CMIP: variants seen among roughly 807,000 people sequenced by gnomAD.
CMIP encodes c-Maf inducing protein, also known as C-Maf-inducing protein.
CMIP carries 13 observed loss-of-function variants against 97.3 expected under a neutral mutation model. The ratio of observed to expected loss-of-function variants is 0.13; its 90% CI spans 0.09 to 0.21. The LOEUF is 0.21. CMIP is among the 10% of genes least tolerant of loss of function. The probability of loss-of-function intolerance (pLI) is 1.00; values close to 1 mark genes in which losing one functional copy is unlikely to be tolerated. For missense variants in CMIP, 847 were observed against 1,024.9 expected (o/e 0.83, Z 2.37); for synonymous variants, 538 against 436.3 (o/e 1.23, Z -2.91).
At chr16:81,708,898 G>A (rs562152725) in intron 20 of CMIP, among the ~76,000 whole-genome samples, 1 of 152,350 alleles carries the variant, frequency 6.6e-6, no homozygotes, top group Admixed American at 6.5e-5. Flanking sequence ...GTGTGTATGT[G>A]TGTGTGTTCA....
intron 1 of CMIP, among the ~76,000 whole-genome samples, chr16:81,490,670 A>G (rs2089391178): frequency 6.6e-6 from 1 of 152,202 alleles, no homozygotes; most frequent in Non-Finnish European, 1.5e-5. Context: ...GCCCTGAAGA[A>G]GACAAGACCC....
intron 15 of CMIP, among the ~76,000 whole-genome samples, chr16:81,701,164 G>A (rs988744629): frequency 1.3e-5 from 2 of 152,086 alleles, no homozygotes; most frequent in Non-Finnish European, 2.9e-5. Context: ...CAGAGGCAGG[G>A]CTGTCAGGCG....
At chr16:81,598,062 TTCCTC>T (rs1329669910) in intron 1 of CMIP, among the ~76,000 whole-genome samples, 1 of 152,084 alleles carries the variant, frequency 6.6e-6, no homozygotes, top group South Asian at 2.1e-4. Flanking sequence ...GAGTCTCGGT[TTCCTC>T]ATCTGTGTGG....
intron 3 of CMIP, among the ~76,000 whole-genome samples, chr16:81,641,355 A>G (rs545598226): frequency 2.0e-5 from 3 of 152,222 alleles, no homozygotes; most frequent in African/African-American, 7.2e-5. Context: ...TCGGAGGAAC[A>G]GATGAGATGT....
At chr16:81,597,822 C>G (rs549218877) in intron 1 of CMIP, among the ~76,000 whole-genome samples, 38 of 152,226 alleles carry the variant, frequency 2.5e-4, no homozygotes, top group African/African-American at 8.7e-4. Context: ...GATTTCTGTT[C>G]CTCTCACCAG....
At chr16:81,626,850 G>T (rs1427147079) in intron 3 of CMIP, among the ~76,000 whole-genome samples, 1 of 147,518 alleles carries the variant, frequency 6.8e-6, no homozygotes, top group African/African-American at 2.5e-5. Context: ...TTATGAGTGT[G>T]TGTGTGTGTC....
intron 2 of CMIP, among the ~76,000 whole-genome samples, chr16:81,615,205 G>A (rs899218101): frequency 7.3e-5 from 9 of 123,662 alleles, no homozygotes; most frequent in Non-Finnish European, 1.6e-4. Flanking sequence ...GTGTGCATGT[G>A]TAACTATGGT....
At chr16:81,644,911 T>G (rs2150994512) in intron 3 of CMIP, among the ~76,000 whole-genome samples, 1 of 152,230 alleles carries the variant, frequency 6.6e-6, no homozygotes, top group Non-Finnish European at 1.5e-5. Context: ...ACACACATAC[T>G]AGACCTCAGC....
intron 3 of CMIP, among the ~76,000 whole-genome samples, chr16:81,641,686 G>A (rs369404280): frequency 2.5e-4 from 38 of 152,282 alleles, no homozygotes; most frequent in African/African-American, 6.7e-4. Flanking sequence ...GCATTTAGGC[G>A]TTTTCCCCTC....
intron 1 of CMIP, among the ~76,000 whole-genome samples, chr16:81,595,614 C>G (rs1567600493): frequency 1.3e-5 from 2 of 152,122 alleles, no homozygotes; most frequent in Non-Finnish European, 2.9e-5. Context: ...GTCTCAAACT[C>G]CTGACCTCAA....
intron 1 of CMIP, among the ~76,000 whole-genome samples, chr16:81,511,134 C>G (rs897102411): frequency 1.3e-5 from 2 of 152,192 alleles, no homozygotes; most frequent in Non-Finnish European, 2.9e-5. Flanking sequence ...TGGGGTGTAG[C>G]TGCCTCTGTA....
At chr16:81,550,489 T>C (rs1449662426) in intron 1 of CMIP, among the ~76,000 whole-genome samples, 1 of 152,160 alleles carries the variant, frequency 6.6e-6, no homozygotes, top group African/African-American at 2.4e-5. Context: ...CACTCTTGGC[T>C]GGGAAACCTT....
chr16:81,627,329 T>C lies in CMIP; in HGVS notation c.477+6403T>C, dbSNP rs1250205702. ...TTTCTCCTCTGTGGAATGGGGATGA[T>C]CATGGCGTCTCGTCACTGGGCCGTG... On this transcript the variant is annotated intron_variant, in intron 3 of 20. Coordinates refer to ENST00000537098, the MANE Select transcript of CMIP (RefSeq NM_198390.3). The surrounding 1 kb of genome is among the most constrained non-coding windows in gnomAD (Gnocchi z 4.6). Among the ~76,000 whole-genome samples the C allele has an allele frequency of 6.6e-6, 1 of 151,992 alleles. No homozygotes were observed. Among genetic ancestry groups the C allele is most frequent in the South Asian group, 2.1e-4 (1 of 4,830 alleles).
chr16:81,604,687 AAG>A (rs1219790869), intron 1 of CMIP, among the ~76,000 whole-genome samples: 3 of 152,180 alleles, frequency 2.0e-5, no homozygotes, highest in African/African-American at 7.2e-5. Context: ...GCGACAGAGC[AAG>A]ACTCCGTCTC....
intron 1 of CMIP, among the ~76,000 whole-genome samples, chr16:81,492,159 T>C (rs1057152547): frequency 6.6e-6 from 1 of 152,246 alleles, no homozygotes; most frequent in Non-Finnish European, 1.5e-5. Context: ...TATGAACATT[T>C]TGATGGCTTT....
intron 3 of CMIP, among the ~76,000 whole-genome samples, chr16:81,642,825 G>A (rs1288295839): frequency 6.6e-6 from 1 of 152,170 alleles, no homozygotes; most frequent in Non-Finnish European, 1.5e-5. Context: ...GAACCCGGGA[G>A]GCGGAGTTTG....
At chr16:81,532,837 G>A (rs570793024) in intron 1 of CMIP, among the ~76,000 whole-genome samples, 1 of 152,246 alleles carries the variant, frequency 6.6e-6, no homozygotes, top group African/African-American at 2.4e-5. Context: ...ACACCGTGTT[G>A]CCTCCTGCGC....
In CMIP at chr16:81,622,515, G is replaced by A. The variant is rs146635701; in HGVS notation, c.477+1589G>A. Among the ~76,000 whole-genome samples, 10 of 152,222 alleles carry A rather than the reference G, an allele frequency of 6.6e-5. No individual in the cohort carries two copies. The East Asian group carries it at 1.7e-3, about 26-fold the overall frequency. Reference sequence around the variant, plus strand: ...GGGAGGACTGAGCGGTGTTGGTCACGGGGGTACCACCTCTTCCCTTCCCCA... The same window carrying A: ...GGGAGGACTGAGCGGTGTTGGTCACAGGGGTACCACCTCTTCCCTTCCCCA... On this transcript the variant is annotated intron_variant, in intron 3 of 20. Coordinates refer to ENST00000537098, the MANE Select transcript of CMIP (RefSeq NM_198390.3).
chr16:81,592,841 A>G (rs1045864157), intron 1 of CMIP, among the ~76,000 whole-genome samples: 1 of 152,232 alleles, frequency 6.6e-6, no homozygotes, highest in East Asian at 1.9e-4. Flanking sequence ...GGCATGTGGC[A>G]TGTGCCCAGT....
Sources: gnomAD v4.1 joint callset for allele counts (sites outside exome capture counted in the v4.1 genomes callset) on GRCh38, gnomAD v4.1.1 for gene constraint, Gnocchi (gnomAD v3.1) non-coding constraint, MANE v1.5 for transcripts, NCBI Gene and HGNC (gene_info 2026-07-23, HGNC 2026-07-21) for gene names.